Variants in MYO9B observed in about 807,000 individuals in gnomAD.
MYO9B encodes the protein myosin IXB, also known as unconventional myosin-IXb.
MYO9B carries 71 observed loss-of-function variants against 229.5 expected under a neutral mutation model. That is an observed-to-expected ratio of 0.31 (90% CI 0.26 to 0.38). The LOEUF is 0.38. Ranked by LOEUF, MYO9B falls within the 10% of genes least tolerant of loss-of-function variation. MYO9B has a pLI of 1.00. For missense variants in MYO9B, 2,255 were observed against 2,920.5 expected, an observed-to-expected ratio of 0.77 and a Z score of 5.25; for synonymous variants, 1,185 against 1,235.8, an observed-to-expected ratio of 0.96 and a Z score of 0.86.
chr19:17,203,013 G>A (rs1432949670), intron 29 of MYO9B, 130 bp downstream of exon 29: 2 of 1,395,302 alleles, frequency 1.4e-6, no homozygotes, highest in Admixed American at 4.0e-5. Flanking sequence ...GTGTGAGTGT[G>A]TTTTTCCCCC....
chr19:17,095,237 G>GA (rs536948164), intron 1 of MYO9B, among the ~76,000 whole-genome samples: 3 of 151,122 alleles, frequency 2.0e-5, no homozygotes, highest in Non-Finnish European at 3.0e-5. Context: ...TCTCAAAAAA[G>GA]AAAAAAAAAT....
chr19:17,088,813 C>T (rs1024672795), intron 1 of MYO9B, among the ~76,000 whole-genome samples: 3 of 152,102 alleles, frequency 2.0e-5, no homozygotes, highest in African/African-American at 7.2e-5. Context: ...ACCTCAGCCT[C>T]CTGAGTACCT....
At chr19:17,139,166 G>A (rs577671308) in intron 2 of MYO9B, among the ~76,000 whole-genome samples, 288 of 150,236 alleles carry the variant, frequency 1.9e-3, no homozygotes, top group Non-Finnish European at 3.5e-3. Flanking sequence ...AACAGAGTGA[G>A]ACTCGATCTC....
intron 2 of MYO9B, among the ~76,000 whole-genome samples, chr19:17,118,375 GA>G (rs2057927586): frequency 1.3e-5 from 2 of 152,064 alleles, no homozygotes; most frequent in South Asian, 4.1e-4. Context: ...GCTGAGGCAG[GA>G]GGATAGCTTG....
intron 1 of MYO9B, among the ~76,000 whole-genome samples, chr19:17,077,557 A>G (rs565642965): frequency 6.6e-6 from 1 of 152,298 alleles, no homozygotes; most frequent in Admixed American, 6.5e-5. Flanking sequence ...AGAATGGCCA[A>G]GCAGGGTCTT....
At chr19:17,099,022 A>G (rs1208558579) in intron 1 of MYO9B, 1 of 151,352 alleles carries the variant, frequency 6.6e-6, no homozygotes, top group African/African-American at 2.4e-5. Flanking sequence ...CACACCTGTA[A>G]TCCCAGCACT....
chr19:17,202,485 A>G (rs1189676570), intron 28 of MYO9B, among the ~76,000 whole-genome samples, 182 bp downstream of exon 28: 1 of 150,150 alleles, frequency 6.7e-6, no homozygotes, highest in Non-Finnish European at 1.5e-5. Context: ...GTGCCTCACC[A>G]TGATCACTTA....
intron 17 of MYO9B, among the ~76,000 whole-genome samples, chr19:17,185,659 GCCTTC>G (rs1216695709): frequency 2.6e-5 from 4 of 152,226 alleles, no homozygotes; most frequent in Admixed American, 6.5e-5. Context: ...CCCAGCCCCA[GCCTTC>G]CACCTGAGGC....
In MYO9B at chr19:17,167,930, G is replaced by A. The variant is rs142747750; in HGVS notation, c.1672-13G>A. ...GAGATAAGAAACTTACCGACCCCGC[G>A]CCACCCCTGCAGGAGGAATATCAGG... On this transcript the variant is annotated splice_polypyrimidine_tract_variant and intron_variant, in intron 10 of 39. Transcript: ENST00000682292. 6.4e-6 allele frequency: 10 copies of A among 1,557,720 alleles called. No homozygotes were observed. The East Asian group carries it at 1.4e-4, about 23-fold the overall frequency.
chr19:17,092,064 A>G (rs973380323), intron 1 of MYO9B, among the ~76,000 whole-genome samples: 3 of 152,222 alleles, frequency 2.0e-5, no homozygotes, highest in Non-Finnish European at 2.9e-5. Flanking sequence ...TGTGGCCTTC[A>G]GCCCTTGTGA....
At chr19:17,143,510 A>T (rs1188845271) in intron 2 of MYO9B, among the ~76,000 whole-genome samples, 1 of 152,172 alleles carries the variant, frequency 6.6e-6, no homozygotes, top group Non-Finnish European at 1.5e-5. Flanking sequence ...CAGAACACCT[A>T]ATATTGCATG....
intron 13 of MYO9B, among the ~76,000 whole-genome samples, chr19:17,173,894 G>T (rs954259240): frequency 1.3e-5 from 2 of 152,048 alleles, no homozygotes; most frequent in Non-Finnish European, 2.9e-5. Flanking sequence ...TTCTGTCTCC[G>T]GAAGGGGCTT....
At chr19:17,189,086 G>A (rs748897035) in intron 19 of MYO9B, among the ~76,000 whole-genome samples, 5 of 151,716 alleles carry the variant, frequency 3.3e-5, no homozygotes, top group Non-Finnish European at 7.4e-5. Flanking sequence ...GCTTGAACCC[G>A]GGAGATGGAG....
At chr19:17,154,095 C>T (rs779446194) in intron 5 of MYO9B, 29 bp downstream of exon 5, 31 of 1,582,368 alleles carry the variant, frequency 2.0e-5, no homozygotes, top group Middle Eastern at 1.7e-4. Context: ...GAGCCACAAA[C>T]GCCACCTCTG....
chr19:17,170,097 G>A (rs8102981), intron 11 of MYO9B, among the ~76,000 whole-genome samples: 115,564 of 151,212 alleles, frequency 0.76, 45,205 homozygotes, highest in African/African-American at 0.94. Flanking sequence ...GAATCTCCCT[G>A]TATTGCCCAG....
intron 3 of MYO9B, 66 bp from the exon 4 acceptor site, chr19:17,152,578 C>A (rs977312425): frequency 4.3e-4 from 457 of 1,062,436 alleles, no homozygotes; most frequent in South Asian, 9.7e-4. Flanking sequence ...AAAAAAAAAA[C>A]AACTCAATAT....
In MYO9B at chr19:17,210,323, T is replaced by A. The variant is rs1208689882; in HGVS notation, c.5749-10T>A. 7 of 1,592,968 alleles carry A rather than the reference T, an allele frequency of 4.4e-6. No individual in the cohort carries two copies. The highest frequency in any genetic ancestry group is 6.0e-6 in the Non-Finnish European group (7 of 1,169,334). ...CCCGTGTGGTCACCCTGTGTTCATCTCTCTCCCAGCCATGGCCTCTCAAAC... is the reference window on the plus strand; with the variant it reads ...CCCGTGTGGTCACCCTGTGTTCATCACTCTCCCAGCCATGGCCTCTCAAAC... On this transcript the variant is annotated splice_polypyrimidine_tract_variant and intron_variant, in intron 36 of 39. Coordinates refer to ENST00000682292, the MANE Select transcript of MYO9B (RefSeq NM_004145.4).
At chr19:17,205,398 G>C in intron 31 of MYO9B, 62 bp downstream of exon 31, 1 of 1,515,882 alleles carries the variant, frequency 6.6e-7, no homozygotes, top group Admixed American at 1.7e-5. Context: ...GGTGCACCAG[G>C]AGGTGGTGCT....
At chr19:17,157,128 C>CT in intron 7 of MYO9B, 90 bp downstream of exon 7, 1 of 1,464,490 alleles carries the variant, frequency 6.8e-7, no homozygotes, top group Non-Finnish European at 9.1e-7. Context: ...GAACTTCCTA[C>CT]GTCAGCTGAG....
Sources: allele counts gnomAD v4.1 joint callset (sites outside exome capture counted in the v4.1 genomes callset), GRCh38; gene constraint gnomAD v4.1.1; transcripts MANE v1.5; gene names NCBI Gene and HGNC (gene_info 2026-07-23, HGNC 2026-07-21).